The following ADAM17 variants were observed in gnomAD, a reference collection of about 807,000 sequenced individuals.
ADAM17 encodes the protein disintegrin and metalloproteinase domain-containing protein 17.
A neutral mutation model predicts 96.7 loss-of-function variants in ADAM17; 39 were observed. That is an observed-to-expected ratio of 0.40 (90% confidence interval 0.31 to 0.53). The LOEUF is 0.53. Among genes scored for constraint, ADAM17 ranks in the 20% least tolerant of loss-of-function variants. The pLI is 0.44. For synonymous variants in ADAM17, 344 were observed against 359.2 expected, an observed-to-expected ratio of 0.96 and a Z score of 0.48; for missense variants, 777 against 1,013.2, an observed-to-expected ratio of 0.77 and a Z score of 3.17.
chr2:9,532,472 T>C (rs1271046702), intron 4 of ADAM17, among the ~76,000 whole-genome samples: 1 of 151,954 alleles, frequency 6.6e-6, no homozygotes, highest in Non-Finnish European at 1.5e-5. Context: ...GTAAACATCT[T>C]TGTGTGTGTG....
chr2:9,504,687 G>A (rs962519148), intron 12 of ADAM17, among the ~76,000 whole-genome samples: 6 of 150,266 alleles, frequency 4.0e-5, no homozygotes, highest in South Asian at 2.1e-4. Flanking sequence ...ACTTGAACCC[G>A]GGAGACAAAG....
chr2:9,525,989 A>G, intron 6 of ADAM17, 122 bp downstream of exon 6: 9 of 1,009,798 alleles, frequency 8.9e-6, no homozygotes, highest in East Asian at 2.6e-5. Context: ...CTCAGAGAAT[A>G]TCCCTCAAAT....
Position 9,521,032 on chromosome 2 carries a change from T to G in ADAM17, c.957+171A>C, listed in dbSNP as rs190678796. ...TTTTTCTTTTTCATAGAGTTTTTGT[T>G]ATTTGTTGTCTATGCTGCTACATGG... is the stretch of plus-strand genomic sequence containing the variant. On this transcript the variant is annotated intron_variant, in intron 8 of 18. Transcript: ENST00000310823. Among the ~76,000 whole-genome samples, 428 of 151,710 alleles carry G rather than the reference T, an allele frequency of 2.8e-3. 2 individuals carry two copies. Among genetic ancestry groups the G allele is most frequent in the African/African-American group, 0.01 (415 of 41,388 alleles).
intron 4 of ADAM17, among the ~76,000 whole-genome samples, chr2:9,532,947 T>G (rs1664808050): frequency 6.6e-6 from 1 of 152,096 alleles, no homozygotes; most frequent in Non-Finnish European, 1.5e-5. Flanking sequence ...TCTCAGCACT[T>G]TGGGAGGCCA....
intron 8 of ADAM17, among the ~76,000 whole-genome samples, chr2:9,519,402 G>C (rs1664210849): frequency 6.6e-6 from 1 of 152,150 alleles, no homozygotes; most frequent in South Asian, 2.1e-4. Flanking sequence ...CCCCTGCCAT[G>C]GGCTGTCTGG....
chr2:9,521,159 T>C (rs760678579), intron 8 of ADAM17, 44 bp downstream of exon 8: 5 of 1,416,054 alleles, frequency 3.5e-6, no homozygotes, highest in African/African-American at 2.8e-5. Context: ...ATATCAGAAA[T>C]GACAAAGTGG....
At chr2:9,538,062 C>G (rs1404070334) in intron 2 of ADAM17, among the ~76,000 whole-genome samples, 1 of 149,786 alleles carries the variant, frequency 6.7e-6, no homozygotes, top group Non-Finnish European at 1.5e-5. Flanking sequence ...GCTTACTATT[C>G]TTTTTGTTGA....
At chr2:9,543,740 C>A (rs1461851728) in intron 1 of ADAM17, among the ~76,000 whole-genome samples, 1 of 152,120 alleles carries the variant, frequency 6.6e-6, no homozygotes, top group Non-Finnish European at 1.5e-5. Context: ...AGGTAGACAG[C>A]AGAATGGTGG....
At chr2:9,551,064 C>T (rs1456189875) in intron 1 of ADAM17, among the ~76,000 whole-genome samples, 1 of 149,032 alleles carries the variant, frequency 6.7e-6, no homozygotes, top group African/African-American at 2.5e-5. Context: ...GACAGTGAGA[C>T]TCTGTCTCAA....
chr2:9,494,549 G>C, intron 15 of ADAM17, 88 bp downstream of exon 15: 1 of 1,490,534 alleles, frequency 6.7e-7, no homozygotes, highest in East Asian at 2.3e-5. Flanking sequence ...CTTGTGTTTT[G>C]ATTTGTTTTC....
intron 16 of ADAM17, among the ~76,000 whole-genome samples, 196 bp from the exon 17 acceptor site, chr2:9,493,182 A>G (rs1662300470): frequency 6.6e-6 from 1 of 152,228 alleles, no homozygotes; most frequent in African/African-American, 2.4e-5. Context: ...AATAGCCCTC[A>G]TATACTGGCT....
intron 2 of ADAM17, among the ~76,000 whole-genome samples, chr2:9,539,111 T>A (rs1452888562): frequency 8.5e-6 from 1 of 117,726 alleles, no homozygotes; most frequent in Non-Finnish European, 1.7e-5. Flanking sequence ...AATTTCTTGA[T>A]TTTTTTTTTT....
chr2:9,495,760 T>C (rs1662539388), intron 14 of ADAM17, among the ~76,000 whole-genome samples: 1 of 151,936 alleles, frequency 6.6e-6, no homozygotes, highest in African/African-American at 2.4e-5. Context: ...TTATAAAATA[T>C]TTCTTGGACT....
chr2:9,494,137 A>G (rs147459667), intron 15 of ADAM17, among the ~76,000 whole-genome samples: 155 of 152,332 alleles, frequency 1.0e-3, no homozygotes, highest in Middle Eastern at 6.8e-3. Flanking sequence ...ACAGTGAACA[A>G]CACAGCCAGA....
At chr2:9,522,424 C>CAG (rs1664352404) in intron 7 of ADAM17, 2 of 592,940 alleles carry the variant, frequency 3.4e-6, no homozygotes, top group African/African-American at 3.6e-5. Context: ...TACATGTTAC[C>CAG]TATTCAAATA....
In ADAM17 at chr2:9,526,104, T is replaced by C. The variant is rs1664514623; in HGVS notation, c.753+7A>G. 6.2e-7 allele frequency: 1 copy of C among 1,600,530 alleles called. No homozygotes were observed. The highest frequency in any genetic ancestry group is 8.5e-7 in the Non-Finnish European group (1 of 1,174,590). ...TTCAATTACTCGATGCAATATCAAA[T>C]ACTTACTAAGTAATTTGTAGTTGTA... On this transcript the variant is annotated splice_region_variant and intron_variant, in intron 6 of 18. Coordinates refer to ENST00000310823, the MANE Select transcript of ADAM17 (RefSeq NM_003183.6).
chr2:9,525,413 G>T (rs1206997972), intron 6 of ADAM17, among the ~76,000 whole-genome samples: 1 of 152,000 alleles, frequency 6.6e-6, no homozygotes, highest in Non-Finnish European at 1.5e-5. Context: ...CATCTTTACT[G>T]CACCAGCTTC....
At chr2:9,506,146 C>T (rs114055776) in intron 11 of ADAM17, among the ~76,000 whole-genome samples, 84 of 152,116 alleles carry the variant, frequency 5.5e-4, no homozygotes, top group African/African-American at 2.0e-3. Context: ...CTTCTTAGGT[C>T]GGGGTCTCCA....
chr2:9,503,831 C>G (rs1663185667), intron 12 of ADAM17, among the ~76,000 whole-genome samples: 1 of 128,366 alleles, frequency 7.8e-6, no homozygotes, highest in Admixed American at 7.5e-5. Context: ...GAGCAAGACT[C>G]CGTCTCAAAA....
Sources: allele counts gnomAD v4.1 joint callset (sites outside exome capture counted in the v4.1 genomes callset), GRCh38; gene constraint gnomAD v4.1.1; transcripts MANE v1.5; gene names NCBI Gene and HGNC (gene_info 2026-07-23, HGNC 2026-07-21).